Variants in RAB3C observed in about 807,000 individuals in gnomAD.
RAB3C encodes RAB3C, member RAS oncogene family.
A neutral mutation model predicts 26.4 loss-of-function variants in RAB3C; 17 were observed. The observed-to-expected ratio is 0.64, with a 90% CI of 0.44 to 0.97. RAB3C has a LOEUF of 0.97. RAB3C is among the 50% of genes least tolerant of loss of function. The pLI, the probability that RAB3C is intolerant of heterozygous loss-of-function variation, is 0.00. For synonymous variants in RAB3C, 91 were observed against 95.9 expected, an observed-to-expected ratio of 0.95 and a Z score of 0.30; for missense variants, 242 against 281.9, an observed-to-expected ratio of 0.86 and a Z score of 1.01.
chr5:58,607,368 G>T (rs1746595440), intron 1 of RAB3C, among the ~76,000 whole-genome samples: 2 of 152,158 alleles, frequency 1.3e-5, no homozygotes, highest in African/African-American at 4.8e-5. Flanking sequence ...AGAGAAAAAA[G>T]AGTAAAAAGA....
intron 2 of RAB3C, among the ~76,000 whole-genome samples, chr5:58,626,761 A>G (rs978515696): frequency 7.2e-5 from 11 of 152,226 alleles, no homozygotes; most frequent in Admixed American, 3.3e-4. Context: ...TTCTCTCAAC[A>G]GCCTTTATTT....
chr5:58,788,609 A>G (rs952339306), intron 3 of RAB3C, among the ~76,000 whole-genome samples: 4 of 152,224 alleles, frequency 2.6e-5, no homozygotes, highest in Non-Finnish European at 4.4e-5. Context: ...CTTTAGGCAC[A>G]CTTCTGAGTA....
chr5:58,838,341 C>T (rs1743794993), intron 4 of RAB3C, among the ~76,000 whole-genome samples: 2 of 150,840 alleles, frequency 1.3e-5, no homozygotes, highest in South Asian at 4.2e-4. Flanking sequence ...GATTGCACCA[C>T]TGCACTCCAG....
chr5:58,753,067 G>T (rs1170856653), intron 3 of RAB3C, among the ~76,000 whole-genome samples: 3 of 151,990 alleles, frequency 2.0e-5, no homozygotes, highest in Non-Finnish European at 4.4e-5. Flanking sequence ...AGGATGTTTT[G>T]AGCCTGTTTA....
intron 2 of RAB3C, among the ~76,000 whole-genome samples, chr5:58,628,912 G>A (rs1747125333): frequency 6.6e-6 from 1 of 151,490 alleles, no homozygotes; most frequent in African/African-American, 2.4e-5. Flanking sequence ...TAAAGGGCTG[G>A]GCATGGTGGC....
chr5:58,734,957 A>T (rs1741103363), intron 3 of RAB3C, among the ~76,000 whole-genome samples: 1 of 152,352 alleles, frequency 6.6e-6, no homozygotes, highest in East Asian at 1.9e-4. Context: ...ATACATAACT[A>T]TGTTTTGTCT....
chr5:58,689,607 G>T (rs1748519381), intron 2 of RAB3C, among the ~76,000 whole-genome samples: 1 of 152,146 alleles, frequency 6.6e-6, no homozygotes, highest in Non-Finnish European at 1.5e-5. Flanking sequence ...GTGTTGCCAT[G>T]CCTGATGGTG....
chr5:58,794,066 C>G (rs1742589035), intron 3 of RAB3C, among the ~76,000 whole-genome samples: 2 of 152,212 alleles, frequency 1.3e-5, no homozygotes, highest in South Asian at 4.1e-4. Flanking sequence ...AAATCAGCAG[C>G]AAGTTTCTCA....
intron 2 of RAB3C, among the ~76,000 whole-genome samples, chr5:58,676,534 A>AC (rs1748232089): frequency 6.6e-6 from 1 of 151,906 alleles, no homozygotes; most frequent in African/African-American, 2.4e-5. Context: ...ACCTATTGCC[A>AC]CCCCAAATTC....
In RAB3C at chr5:58,823,020, G is replaced by C. The variant is rs546245221; in HGVS notation, c.372-2018G>C. ...TTGAAGGGAGCTGTTGATAAAGGCT[G>C]TTCTGTCCCTCACAGTACCAGATGA... On this transcript the variant is annotated intron_variant, in intron 3 of 4. Coordinates refer to ENST00000282878, the MANE Select transcript of RAB3C (RefSeq NM_138453.4). The C allele has an allele frequency of 1.1e-5, 7 of 610,702 alleles. No individual in the cohort carries two copies. In the East Asian group the frequency reaches 2.4e-4, roughly 21 times the overall value. 37.8% of individuals were successfully genotyped at this position (610,702 alleles called of 1,614,324 possible). A position where few individuals can be genotyped will look rare whatever the true frequency, so the allele number is the denominator to read the frequency against.
At chr5:58,831,777 TAATAA>T (rs1743618521) in intron 4 of RAB3C, among the ~76,000 whole-genome samples, 1 of 151,902 alleles carries the variant, frequency 6.6e-6, no homozygotes, top group Non-Finnish European at 1.5e-5. Context: ...AAAATAATAA[TAATAA>T]AATAAGGAAA....
chr5:58,654,541 A>G (rs1747725775), intron 2 of RAB3C, among the ~76,000 whole-genome samples: 1 of 152,202 alleles, frequency 6.6e-6, no homozygotes, highest in South Asian at 2.1e-4. Context: ...TTATATAATT[A>G]CTTTTCCCAT....
In RAB3C at chr5:58,797,389, A is replaced by G. The variant is rs964553809; in HGVS notation, c.372-27649A>G. ...ATATAATATATATATATATATATAT[A>G]TATATATACACAGAGAGAGAGAGAG... On this transcript the variant is annotated intron_variant, in intron 3 of 4. Coordinates refer to ENST00000282878, the MANE Select transcript of RAB3C (RefSeq NM_138453.4). Among the ~76,000 whole-genome samples, 37 of 137,792 alleles carry G rather than the reference A, an allele frequency of 2.7e-4. 3 individuals are homozygous for G. Among genetic ancestry groups the G allele is most frequent in the African/African-American group, 9.9e-4 (36 of 36,396 alleles). 90.4% of individuals were successfully genotyped at this position (137,792 alleles called of 152,430 possible). A position where few individuals can be genotyped will look rare whatever the true frequency, so the allele number is the denominator to read the frequency against.
rs1232167751 is a variant in RAB3C, at chr5:58,617,805, G to A, written c.187G>A (p.Val63Ile). ...CTTTACATCTGCATTCGTCAGCACAGTTGGGATCGATTTCAAAGTAAAAAC... is the reference window on the plus strand; with the variant it reads ...CTTTACATCTGCATTCGTCAGCACAATTGGGATCGATTTCAAAGTAAAAAC... ...DSFTSAFVST[V>I]GIDFKVKTVF... Residue 63 changes from valine (V) to isoleucine (I), a missense_variant, in exon 2 of 5, where the codon GTT becomes ATT. Val to Ile is a conservative substitution (Grantham distance 29). Transcript: ENST00000282878. 4 of 1,613,408 alleles carry A rather than the reference G, an allele frequency of 2.5e-6. No individual in the cohort carries two copies. The highest frequency in any genetic ancestry group is 2.5e-6 in the Non-Finnish European group (3 of 1,179,622).
chr5:58,745,837 A>C (rs1741392288), intron 3 of RAB3C, among the ~76,000 whole-genome samples: 1 of 152,174 alleles, frequency 6.6e-6, no homozygotes, highest in Non-Finnish European at 1.5e-5. Context: ...TGATAGTTGA[A>C]TATGAAATAA....
chr5:58,812,632 A>C (rs1006794544), intron 3 of RAB3C, among the ~76,000 whole-genome samples: 30 of 152,246 alleles, frequency 2.0e-4, no homozygotes, highest in Non-Finnish European at 1.9e-4. Context: ...CATTTGTTGA[A>C]GGGAAATAGA....
chr5:58,829,290 A>G (rs1244748599), intron 4 of RAB3C, among the ~76,000 whole-genome samples: 2 of 152,180 alleles, frequency 1.3e-5, no homozygotes, highest in South Asian at 2.1e-4. Context: ...AATTTATAGT[A>G]TGGTACTTAT....
At chr5:58,597,121 A>AT (rs1561260637) in intron 1 of RAB3C, among the ~76,000 whole-genome samples, 1 of 33,410 alleles carries the variant, frequency 3.0e-5, no homozygotes, top group Non-Finnish European at 6.9e-5. Context: ...TATATAATAC[A>AT]TAATATATAA....
intron 3 of RAB3C, among the ~76,000 whole-genome samples, chr5:58,730,767 A>G (rs1431947373): frequency 6.6e-6 from 1 of 152,128 alleles, no homozygotes; most frequent in Admixed American, 6.6e-5. Context: ...TTACACAAAA[A>G]TTCTGGTCTG....
Sources: allele counts gnomAD v4.1 joint callset (sites outside exome capture counted in the v4.1 genomes callset), GRCh38; gene constraint gnomAD v4.1.1; transcripts MANE v1.5; gene names NCBI Gene and HGNC (gene_info 2026-07-23, HGNC 2026-07-21).